KLRD1: variants seen among roughly 807,000 people sequenced by gnomAD.
KLRD1 encodes the protein natural killer cells antigen CD94.
Under a neutral mutation model 22.6 loss-of-function variants are expected in KLRD1, and 21 were observed. The observed-to-expected ratio is 0.93, with a 90% CI of 0.66 to 1.34. The LOEUF is 1.34. Ranked by LOEUF, KLRD1 falls within the 40% of genes most tolerant of loss-of-function variation. The pLI, the probability that KLRD1 is intolerant of heterozygous loss-of-function variation, is 0.00. For synonymous variants in KLRD1, 59 were observed against 71.1 expected (o/e 0.83, Z 0.85); for missense variants, 183 against 208.6 (o/e 0.88, Z 0.76).
At chr12:10,256,425 GTTTT>G (rs139328118) in intron 1 of KLRD1, among the ~76,000 whole-genome samples, 82,888 of 131,008 alleles carry the variant, frequency 0.63, 27,432 homozygotes, top group Admixed American at 0.77. Context: ...GTGATTAGCT[GTTTT>G]TTTTTTTTTT....
At chr12:10,275,984 A>G (rs1288867391) in intron 1 of KLRD1, among the ~76,000 whole-genome samples, 1 of 152,174 alleles carries the variant, frequency 6.6e-6, no homozygotes, top group Non-Finnish European at 1.5e-5. Flanking sequence ...TCTTATGCAC[A>G]TATTCTTAGT....
rs1284029646 is a variant in KLRD1 at position 10,328,297 on chromosome 12, T to G, written c.*13504T>G. 2 of 152,174 alleles carry G rather than the reference T, an allele frequency of 1.3e-5. No individual in the cohort carries two copies. The highest frequency in any genetic ancestry group is 2.9e-5 in the Non-Finnish European group (2 of 68,006). The allele number at this position is 152,174 out of a possible 1,614,324, so 9.4% of individuals were successfully genotyped here. Reference sequence around the variant, plus strand: ...GAGCCATCTTGTCCTGGGAATTTTTTTGTTGTAAGTTTCTTGATTACTGAT... The same window carrying G: ...GAGCCATCTTGTCCTGGGAATTTTTGTGTTGTAAGTTTCTTGATTACTGAT... On this transcript the variant is annotated 3_prime_UTR_variant, in exon 6 of 6. Coordinates refer to ENST00000336164, the MANE Select transcript of KLRD1 (RefSeq NM_002262.5).
chr12:10,317,738 C>T lies in KLRD1; in HGVS notation c.*2945C>T, dbSNP rs1297930294. 2.0e-5 allele frequency: 3 copies of T among 152,124 alleles called. No individual in the cohort carries two copies. The highest frequency in any genetic ancestry group is 4.4e-5 in the Non-Finnish European group (3 of 68,034). 9.4% of individuals were successfully genotyped at this position (152,124 alleles called of 1,614,324 possible). Reference sequence around the variant, plus strand: ...CACAACATTAGTGTATTAGTCCGTTCTTATGCTGCTACTAAAGATATACCC... The same window carrying T: ...CACAACATTAGTGTATTAGTCCGTTTTTATGCTGCTACTAAAGATATACCC... On this transcript the variant is annotated 3_prime_UTR_variant, in exon 6 of 6. Coordinates refer to ENST00000336164, the MANE Select transcript of KLRD1 (RefSeq NM_002262.5).
chr12:10,275,543 C>A (rs944128535), intron 1 of KLRD1, among the ~76,000 whole-genome samples: 1 of 151,930 alleles, frequency 6.6e-6, no homozygotes, highest in East Asian at 1.9e-4. Flanking sequence ...TTTCAACCAT[C>A]GGGGGAAGCT....
intron 1 of KLRD1, among the ~76,000 whole-genome samples, chr12:10,239,529 TTC>T (rs555006925): frequency 1.4e-4 from 9 of 65,772 alleles, no homozygotes; most frequent in Non-Finnish European, 2.6e-4. Flanking sequence ...CTTTCTTTCT[TTC>T]TTTCTTTCTT....
intron 1 of KLRD1, among the ~76,000 whole-genome samples, chr12:10,273,347 G>T (rs1311012642): frequency 6.6e-6 from 1 of 152,136 alleles, no homozygotes; most frequent in Non-Finnish European, 1.5e-5. Flanking sequence ...GTTTGTAATA[G>T]AATAAGATTA....
Position 10,313,528 on chromosome 12 carries a change from A to G in KLRD1, c.419+15A>G, listed in dbSNP as rs752970072. On this transcript the variant is annotated intron_variant, in intron 5 of 5. Transcript: ENST00000336164. Reference sequence around the variant, plus strand: ...TCCCAGTATCTGTAAGTTTCTGGCAATCATGGCGTTTTTTGCTCTTTATGA... The same window carrying G: ...TCCCAGTATCTGTAAGTTTCTGGCAGTCATGGCGTTTTTTGCTCTTTATGA... The G allele has an allele frequency of 2.0e-6, 3 of 1,467,818 alleles. No homozygotes were observed. In the Admixed American group the frequency reaches 6.2e-5, roughly 30 times the overall value. The allele number at this position is 1,467,818 out of a possible 1,614,324, so 90.9% of individuals were successfully genotyped here. A position where few individuals can be genotyped will look rare whatever the true frequency, so the allele number is the denominator to read the frequency against.
chr12:10,297,913 G>C (rs1949836006), intron 1 of KLRD1, among the ~76,000 whole-genome samples: 1 of 151,326 alleles, frequency 6.6e-6, no homozygotes, highest in Non-Finnish European at 1.5e-5. Flanking sequence ...TTTTTCTCTG[G>C]GTGTTTTTCT....
At chr12:10,269,514 T>C (rs1190361629) in intron 1 of KLRD1, among the ~76,000 whole-genome samples, 2 of 152,240 alleles carry the variant, frequency 1.3e-5, no homozygotes, top group South Asian at 2.1e-4. Flanking sequence ...TTGATTAGCT[T>C]ACTTATTTTG....
At chr12:10,283,613 G>T (rs1407981852) in intron 1 of KLRD1, among the ~76,000 whole-genome samples, 2 of 152,056 alleles carry the variant, frequency 1.3e-5, no homozygotes, top group Non-Finnish European at 2.9e-5. Flanking sequence ...GAAGCAGAGA[G>T]GGGAAAGACA....
Position 10,242,071 on chromosome 12 carries a change from G to GTTTTTTTTT in KLRD1, c.-101+15849_-101+15857dup, listed in dbSNP as rs72326980. Among the ~76,000 whole-genome samples the GTTTTTTTTT allele has an allele frequency of 2.7e-4, 27 of 99,398 alleles. 3 individuals are homozygous for GTTTTTTTTT. The highest frequency in any genetic ancestry group is 7.4e-4 in the South Asian group (2 of 2,716). The allele number at this position is 99,398 out of a possible 152,430, so 65.2% of individuals were successfully genotyped here. ...GGATTTCTTTGTTACTGTTCTTGCT[G>GTTTTTTTTT]TTTTTTTTTTTTTTTTTTTCAGAGA... On this transcript the variant is annotated intron_variant, in intron 1 of 5. Transcript: ENST00000544747.
In KLRD1 at chr12:10,315,004, A is replaced by G. The variant is rs984191702; in HGVS notation, c.*211A>G. 1.0e-5 allele frequency: 4 copies of G among 382,752 alleles called. No homozygotes were observed. Among genetic ancestry groups the G allele is most frequent in the Non-Finnish European group, 1.8e-5 (4 of 218,912 alleles). The allele number at this position is 382,752 out of a possible 1,614,324, so 23.7% of individuals were successfully genotyped here. On this transcript the variant is annotated 3_prime_UTR_variant, in exon 6 of 6. Transcript: ENST00000336164. Reference sequence around the variant, plus strand: ...CATTTGAGAATTATAAAATTAACATAAAGAATTTTGTATTTTCATTTAATG... The same window carrying G: ...CATTTGAGAATTATAAAATTAACATGAAGAATTTTGTATTTTCATTTAATG...
chr12:10,259,162 G>C (rs948811300), intron 1 of KLRD1, among the ~76,000 whole-genome samples: 4 of 152,302 alleles, frequency 2.6e-5, no homozygotes, highest in African/African-American at 9.6e-5. Context: ...ACAGTAGATA[G>C]TTCTGGCTAG....
chr12:10,311,603 C>G lies in KLRD1; in HGVS notation c.303C>G (p.Asn101Lys), dbSNP rs748656505. ...AATCCAGCCTGCTTCAGCTTCAAAA[C>G]ACAGATGAACTGGCATGTGCTGAGT... ...SQKSSLLQLQ[N>K]TDELDFMSSS... Residue 101 changes from asparagine (N) to lysine (K), a missense_variant, in exon 4 of 6, where the codon AAC becomes AAG. Asn to Lys is a moderately conservative substitution (Grantham distance 94). Coordinates refer to ENST00000336164, the MANE Select transcript of KLRD1 (RefSeq NM_002262.5). The G allele has an allele frequency of 6.3e-5, 102 of 1,613,976 alleles. No homozygotes were observed. The highest frequency in any genetic ancestry group is 8.4e-5 in the Non-Finnish European group (99 of 1,179,952).
At position 10,322,878 on chromosome 12, in the gene KLRD1, A is replaced by G. The variant is rs992398902; in HGVS notation, c.*8085A>G. 6 of 152,050 alleles carry G rather than the reference A, an allele frequency of 3.9e-5. No individual in the cohort carries two copies. The highest frequency in any genetic ancestry group is 1.4e-4 in the African/African-American group (6 of 41,396). 9.4% of individuals were successfully genotyped at this position (152,050 alleles called of 1,614,324 possible). A position where few individuals can be genotyped will look rare whatever the true frequency, so the allele number is the denominator to read the frequency against. On this transcript the variant is annotated 3_prime_UTR_variant, in exon 6 of 6. Coordinates refer to ENST00000336164, the MANE Select transcript of KLRD1 (RefSeq NM_002262.5). ...AACTGCTACTCTGATTTCTGAAAAT[A>G]TAGGTTTATTTAGCCTGTTCTTTAA...
chr12:10,266,562 A>G (rs1301249241), intron 1 of KLRD1, among the ~76,000 whole-genome samples: 3 of 151,976 alleles, frequency 2.0e-5, no homozygotes, highest in African/African-American at 7.2e-5. Flanking sequence ...TGTTATTTTT[A>G]ACACTGTAAT....
chr12:10,308,187 A>G (rs1462542812), intron 1 of KLRD1, 103 bp downstream of exon 1: 2 of 969,644 alleles, frequency 2.1e-6, no homozygotes, highest in Admixed American at 1.8e-5. Flanking sequence ...CATGATTAAC[A>G]GTGGATGTTT....
At position 10,309,639 on chromosome 12, in the gene KLRD1, G is replaced by A; in HGVS notation, c.114G>A (p.Leu38=). The A allele has an allele frequency of 6.2e-7, 1 of 1,612,140 alleles. No homozygotes were observed. The highest frequency in any genetic ancestry group is 8.5e-7 in the Non-Finnish European group (1 of 1,178,426). Residue 38 remains leucine (L), a synonymous_variant, in exon 3 of 6, where the codon CTG becomes CTA. Coordinates refer to ENST00000336164, the MANE Select transcript of KLRD1 (RefSeq NM_002262.5). ...GILLKNSFTK[L]SIEPAFTPGP... ...CATTTCTTATAGCTTTTACTAAACT[G>A]AGTATTGAGCCAGCATTTACTCCAG...
rs140243010 is a variant in KLRD1 at position 10,329,303 on chromosome 12, A to G, written c.*14510A>G. ...CAAAAATGTATTGTTAAATTATCAC[A>G]TATTTATTAGTTTTCCTTTTGCAAC... On this transcript the variant is annotated 3_prime_UTR_variant, in exon 6 of 6. Coordinates refer to ENST00000336164, the MANE Select transcript of KLRD1 (RefSeq NM_002262.5). The G allele has an allele frequency of 2.2e-4, 33 of 152,174 alleles. No homozygotes were observed. Among genetic ancestry groups the G allele is most frequent in the Admixed American group, 2.1e-3 (32 of 15,274 alleles). The allele number at this position is 152,174 out of a possible 1,614,324, so 9.4% of individuals were successfully genotyped here. A position where few individuals can be genotyped will look rare whatever the true frequency, so the allele number is the denominator to read the frequency against.
Sources: gnomAD v4.1 joint callset for allele counts (sites outside exome capture counted in the v4.1 genomes callset) on GRCh38, gnomAD v4.1.1 for gene constraint, MANE v1.5 for transcripts, NCBI Gene and HGNC (gene_info 2026-07-23, HGNC 2026-07-21) for gene names.